Variants in NTRK2 observed in about 807,000 individuals in gnomAD.
The protein encoded by NTRK2 is neurotrophic receptor tyrosine kinase 2.
NTRK2 carries 13 observed loss-of-function variants against 94.5 expected under a neutral mutation model. The ratio of observed to expected loss-of-function variants is 0.14; its 90% CI spans 0.09 to 0.22. The LOEUF (loss-of-function observed/expected upper bound fraction) is 0.22. Among genes scored for constraint, NTRK2 ranks in the 10% least tolerant of loss-of-function variants. NTRK2 has a pLI of 1.00. For missense variants in NTRK2, 639 were observed against 1,071.2 expected, an observed-to-expected ratio of 0.60 and a Z score of 5.63; for synonymous variants, 372 against 407.4, an observed-to-expected ratio of 0.91 and a Z score of 1.05.
At chr9:84,837,672 A>T (rs1387209539) in intron 12 of NTRK2, among the ~76,000 whole-genome samples, 3 of 152,344 alleles carry the variant, frequency 2.0e-5, no homozygotes, top group Non-Finnish European at 4.4e-5. Flanking sequence ...ACATGCTACT[A>T]TGATAAACTC....
At chr9:84,875,735 C>T (rs1008579227) in intron 14 of NTRK2, 11 of 1,052,788 alleles carry the variant, frequency 1.0e-5, no homozygotes, top group Non-Finnish European at 1.3e-5. Flanking sequence ...AGTTTGCTGT[C>T]CAGTGATCCC....
At chr9:84,840,787 A>G (rs1242729792) in intron 12 of NTRK2, among the ~76,000 whole-genome samples, 2 of 150,946 alleles carry the variant, frequency 1.3e-5, no homozygotes, top group African/African-American at 4.9e-5. Context: ...TTTCTCTTTA[A>G]TTCCCTCAAA....
chr9:84,936,679 A>G (rs2078223514), intron 15 of NTRK2, among the ~76,000 whole-genome samples: 1 of 152,200 alleles, frequency 6.6e-6, no homozygotes, highest in Non-Finnish European at 1.5e-5. Flanking sequence ...AGGAAAAACA[A>G]GATTTAATTC....
At chr9:84,747,244 C>T (rs1469065609) in intron 11 of NTRK2, among the ~76,000 whole-genome samples, 3 of 152,074 alleles carry the variant, frequency 2.0e-5, no homozygotes, top group South Asian at 2.1e-4. Context: ...CACATGCTTC[C>T]GTAGATGACT....
intron 16 of NTRK2, among the ~76,000 whole-genome samples, chr9:84,951,545 A>ATGTGTG (rs5898876): frequency 0.059 from 8,997 of 151,604 alleles, 452 homozygotes; most frequent in African/African-American, 0.14. Context: ...ACATACATGA[A>ATGTGTG]TGTGTGTGTG....
chr9:84,891,597 C>T (rs1333952930), intron 14 of NTRK2, among the ~76,000 whole-genome samples: 11 of 152,214 alleles, frequency 7.2e-5, no homozygotes, highest in Non-Finnish European at 7.3e-5. Context: ...GGATTTTCTT[C>T]TTTTCTCAGC....
intron 17 of NTRK2, among the ~76,000 whole-genome samples, chr9:85,002,881 G>A (rs924892630): frequency 4.6e-5 from 7 of 152,152 alleles, no homozygotes; most frequent in Admixed American, 1.3e-4. Context: ...TCTGGGGGTG[G>A]ATAGGGTTGT....
chr9:84,686,340 C>G (rs1001204636), intron 2 of NTRK2, among the ~76,000 whole-genome samples: 5 of 152,174 alleles, frequency 3.3e-5, no homozygotes, highest in African/African-American at 1.2e-4. Flanking sequence ...AAGAGAGATG[C>G]AGAGCACACA....
intron 2 of NTRK2, among the ~76,000 whole-genome samples, chr9:84,686,862 A>C (rs938273918): frequency 1.3e-5 from 2 of 152,236 alleles, no homozygotes; most frequent in Admixed American, 6.5e-5. Context: ...TTTTTAAAAT[A>C]GAGTGAAGTC....
intron 17 of NTRK2, among the ~76,000 whole-genome samples, chr9:84,978,055 T>C (rs1827117076): frequency 6.6e-6 from 1 of 152,206 alleles, no homozygotes; most frequent in Admixed American, 6.5e-5. Flanking sequence ...TCCCTGGGCC[T>C]CTCTATTCCC....
At chr9:84,708,211 G>A (rs2061226324) in intron 5 of NTRK2, among the ~76,000 whole-genome samples, 1 of 152,086 alleles carries the variant, frequency 6.6e-6, no homozygotes, top group Non-Finnish European at 1.5e-5. Flanking sequence ...AAAAGAAGGG[G>A]GCTTTGTGTG....
chr9:84,747,910 C>G lies in NTRK2; in HGVS notation c.1296+2837C>G, dbSNP rs543788854. Reference sequence around the variant, plus strand: ...TGACTTTGCGGAAGGCTCCTAAAATCTGTATGAGAGGTGCAATATTGTGTT... The same window carrying G: ...TGACTTTGCGGAAGGCTCCTAAAATGTGTATGAGAGGTGCAATATTGTGTT... On this transcript the variant is annotated intron_variant, in intron 11 of 18. Transcript: ENST00000277120. 1.3e-4 allele frequency among the ~76,000 whole-genome samples: 20 copies of G among 152,216 alleles called. 1 individual carries two copies. The highest frequency in any genetic ancestry group is 2.5e-4 in the Non-Finnish European group (17 of 68,010).
At chr9:85,005,118 T>A (rs1830813300) in intron 17 of NTRK2, among the ~76,000 whole-genome samples, 1 of 152,200 alleles carries the variant, frequency 6.6e-6, no homozygotes, top group Non-Finnish European at 1.5e-5. Flanking sequence ...CTAGAACCTG[T>A]TACTTCATGC....
In NTRK2 at chr9:84,867,458, T is replaced by A. The variant is rs76282563; in HGVS notation, c.1633+27T>A. 3.0e-3 allele frequency: 4,695 copies of A among 1,583,828 alleles called. 137 individuals carry two copies. In the Admixed American group the frequency reaches 0.053, roughly 18 times the overall value. Reference sequence around the variant, plus strand: ...TAAGTACAGCTGTTTGTACTTATTGTCCCATTTGCTGCATAGCTGTATCAA... The same window carrying A: ...TAAGTACAGCTGTTTGTACTTATTGACCCATTTGCTGCATAGCTGTATCAA... On this transcript the variant is annotated intron_variant, in intron 14 of 18. Coordinates refer to ENST00000277120, the MANE Select transcript of NTRK2 (RefSeq NM_006180.6).
At chr9:84,857,127 T>C (rs1348623198) in intron 12 of NTRK2, among the ~76,000 whole-genome samples, 1 of 152,210 alleles carries the variant, frequency 6.6e-6, no homozygotes, top group Non-Finnish European at 1.5e-5. Context: ...CCATTTATTT[T>C]ATTTAATTTG....
chr9:84,868,995 C>A (rs2075720239), intron 14 of NTRK2, among the ~76,000 whole-genome samples: 1 of 152,116 alleles, frequency 6.6e-6, no homozygotes. Context: ...GATAAAGCTG[C>A]ATAATTAAGT....
At chr9:84,975,972 G>A (rs928150551) in intron 17 of NTRK2, among the ~76,000 whole-genome samples, 18 of 152,122 alleles carry the variant, frequency 1.2e-4, no homozygotes, top group Admixed American at 1.2e-3. Context: ...AGCCCAGGAA[G>A]GGTAGATACC....
intron 17 of NTRK2, among the ~76,000 whole-genome samples, chr9:85,002,387 G>T (rs1830429629): frequency 6.6e-6 from 1 of 152,180 alleles, no homozygotes; most frequent in South Asian, 2.1e-4. Context: ...CACATGCGTG[G>T]ATGCAGAAGC....
chr9:84,902,236 A>G (rs1431614594), intron 14 of NTRK2, among the ~76,000 whole-genome samples: 3 of 151,958 alleles, frequency 2.0e-5, no homozygotes, highest in Non-Finnish European at 4.4e-5. Context: ...AAAGACTGCC[A>G]TCAATACTAT....
Sources: allele counts gnomAD v4.1 joint callset (sites outside exome capture counted in the v4.1 genomes callset), GRCh38; gene constraint gnomAD v4.1.1; transcripts MANE v1.5; gene names NCBI Gene and HGNC (gene_info 2026-07-23, HGNC 2026-07-21).